FAM221A: variants seen among roughly 807,000 people sequenced by gnomAD.
FAM221A encodes the protein family with sequence similarity 221 member A.
In FAM221A, 43 loss-of-function variants were observed where a neutral mutation model predicts 37.6. That is an observed-to-expected ratio of 1.15 (90% CI 0.90 to 1.48). The LOEUF is 1.48. FAM221A is among the 40% of genes most tolerant of loss of function. The pLI is 0.00. For missense variants in FAM221A, 361 were observed against 361.5 expected (o/e 1.00, Z 0.01); for synonymous variants, 135 against 132.9 (o/e 1.02, Z -0.11).
chr7:23,699,301 TGCA>T (rs200469908), intron 5 of FAM221A, among the ~76,000 whole-genome samples: 1 of 150,692 alleles, frequency 6.6e-6, no homozygotes, highest in Non-Finnish European at 1.5e-5. Flanking sequence ...ACTTTTTTTT[TGCA>T]GCAGCAGGGT....
intron 6 of FAM221A, among the ~76,000 whole-genome samples, chr7:23,701,604 G>A (rs1305637523): frequency 1.3e-5 from 2 of 152,036 alleles, no homozygotes; most frequent in East Asian, 1.9e-4. Context: ...ATCCAGACTC[G>A]TTAAAATTAC....
chr7:23,688,457 A>G (rs1306392649), intron 2 of FAM221A: 1 of 152,216 alleles, frequency 6.6e-6, no homozygotes, highest in African/African-American at 2.4e-5. Flanking sequence ...TTACAATACT[A>G]TAAGAAGGAG....
chr7:23,682,438 TA>T (rs58101056), intron 1 of FAM221A, among the ~76,000 whole-genome samples: 48,384 of 115,416 alleles, frequency 0.42, 10,111 homozygotes, highest in South Asian at 0.6. Context: ...TTATTATTAT[TA>T]TTTTTTTTTT....
At chr7:23,683,743 A>G (rs956985286) in intron 1 of FAM221A, among the ~76,000 whole-genome samples, 1 of 152,108 alleles carries the variant, frequency 6.6e-6, no homozygotes, top group Non-Finnish European at 1.5e-5. Context: ...TGGCTGAGAC[A>G]CCTATGTTTC....
intron 3 of FAM221A, among the ~76,000 whole-genome samples, chr7:23,690,741 A>G (rs558087048): frequency 6.6e-6 from 1 of 152,280 alleles, no homozygotes; most frequent in African/African-American, 2.4e-5. Context: ...TCTCACCCCA[A>G]AAAGAAACTC....
chr7:23,681,174 G>C (rs1784018500), intron 1 of FAM221A, among the ~76,000 whole-genome samples: 2 of 152,158 alleles, frequency 1.3e-5, no homozygotes. Flanking sequence ...GAGCTTGATG[G>C]GGTCAGTTCC....
At chr7:23,694,955 A>G (rs1255689204) in intron 4 of FAM221A, 1 of 152,220 alleles carries the variant, frequency 6.6e-6, no homozygotes, top group Non-Finnish European at 1.5e-5. Flanking sequence ...CACATTGAAT[A>G]TGTAGATGAA....
At chr7:23,697,887 G>A (rs905441122) in intron 4 of FAM221A, among the ~76,000 whole-genome samples, 13 of 152,012 alleles carry the variant, frequency 8.6e-5, no homozygotes, top group African/African-American at 2.9e-4. Context: ...AAGTAGGTAG[G>A]GCTACAGGCA....
At chr7:23,684,089 G>T (rs1784219263) in intron 1 of FAM221A, among the ~76,000 whole-genome samples, 1 of 152,156 alleles carries the variant, frequency 6.6e-6, no homozygotes, top group South Asian at 2.1e-4. Flanking sequence ...AATCATGGAG[G>T]TTTGGGGAGT....
chr7:23,700,653 A>C (rs1401233589), intron 5 of FAM221A, 133 bp from the exon 6 acceptor site: 4 of 588,366 alleles, frequency 6.8e-6, no homozygotes, highest in East Asian at 2.8e-5. Context: ...AGTAGGACCA[A>C]TTATTCATTT....
In FAM221A at chr7:23,689,288, G is replaced by T. The variant is rs1396984668; in HGVS notation, c.259G>T (p.Asp87Tyr). 2 of 1,561,214 alleles carry T rather than the reference G, an allele frequency of 1.3e-6. No individual in the cohort carries two copies. Among genetic ancestry groups the T allele is most frequent in the African/African-American group, 1.3e-5 (1 of 74,158 alleles). ...TTTTAGGTATAAACAACATAAAACTGACTTGGAAGCGATTCCTCAGCAGTG... is the reference window on the plus strand; with the variant it reads ...TTTTAGGTATAAACAACATAAAACTTACTTGGAAGCGATTCCTCAGCAGTG... Reference protein sequence around the residue: ...CTHRYKQHKTDLEAIPQQCPI... With the variant: ...CTHRYKQHKTYLEAIPQQCPI... Residue 87 changes from aspartate (D) to tyrosine (Y), a missense_variant, in exon 3 of 7, where the codon GAC (aspartate) becomes TAC (tyrosine). Asp to Tyr is a radical substitution (Grantham distance 160). Coordinates refer to ENST00000344962, the MANE Select transcript of FAM221A (RefSeq NM_199136.5).
chr7:23,693,819 T>A (rs1253807427), intron 4 of FAM221A: 6 of 152,228 alleles, frequency 3.9e-5, no homozygotes, highest in Non-Finnish European at 7.3e-5. Flanking sequence ...TTTGAAACTC[T>A]ACCATATTCT....
chr7:23,700,877 TTG>T lies in FAM221A; in HGVS notation c.828+10_828+11del. 6.3e-7 allele frequency: 1 copy of T among 1,585,864 alleles called. No individual in the cohort carries two copies. The highest frequency in any genetic ancestry group is 8.6e-7 in the Non-Finnish European group (1 of 1,160,516). On this transcript the variant is annotated intron_variant, in intron 6 of 6. Coordinates refer to ENST00000344962, the MANE Select transcript of FAM221A (RefSeq NM_199136.5). ...GACGATACCAGGAAAGGGTAGGTTTTTGAGGAAATTCAGTTGCACTAAGCATT... is the reference window on the plus strand; with the variant it reads ...GACGATACCAGGAAAGGGTAGGTTTTAGGAAATTCAGTTGCACTAAGCATT...
intron 4 of FAM221A, among the ~76,000 whole-genome samples, chr7:23,696,844 G>A (rs951754801): frequency 5.9e-5 from 9 of 152,146 alleles, no homozygotes; most frequent in African/African-American, 1.9e-4. Context: ...TACCTAGACC[G>A]AGGAAACCTC....
intron 1 of FAM221A, among the ~76,000 whole-genome samples, chr7:23,681,677 G>C (rs1373208497): frequency 2.0e-5 from 3 of 152,148 alleles, no homozygotes; most frequent in Non-Finnish European, 2.9e-5. Context: ...TAAAGTGTTG[G>C]GATTACAGGC....
chr7:23,680,659 C>T (rs909024989), intron 1 of FAM221A: 2 of 175,706 alleles, frequency 1.1e-5, no homozygotes, highest in East Asian at 1.6e-4. Flanking sequence ...TTGAGTCAAC[C>T]GTGAACTTCT....
intron 1 of FAM221A, chr7:23,680,581 C>A: frequency 2.7e-6 from 1 of 372,782 alleles, no homozygotes; most frequent in Non-Finnish European, 4.8e-6. Context: ...TTTTAAATGG[C>A]CATTGAAAAC....
intron 1 of FAM221A, among the ~76,000 whole-genome samples, chr7:23,683,814 C>T (rs1227486765): frequency 2.0e-5 from 3 of 152,070 alleles, no homozygotes; most frequent in Non-Finnish European, 1.5e-5. Flanking sequence ...TTCAGATGAA[C>T]TGGGAAAGAA....
chr7:23,689,527 C>A, intron 3 of FAM221A, 68 bp downstream of exon 3: 1 of 1,193,334 alleles, frequency 8.4e-7, no homozygotes, highest in Non-Finnish European at 1.1e-6. Context: ...ATTTAACGTG[C>A]TTTTTTACTG....
Sources: allele counts gnomAD v4.1 joint callset (sites outside exome capture counted in the v4.1 genomes callset), GRCh38; gene constraint gnomAD v4.1.1; transcripts MANE v1.5; gene names NCBI Gene and HGNC (gene_info 2026-07-23, HGNC 2026-07-21).